Variants in MAPKAP1 observed in about 807,000 individuals in gnomAD.
MAPKAP1 encodes target of rapamycin complex 2 subunit MAPKAP1.
A neutral mutation model predicts 65.7 loss-of-function variants in MAPKAP1; 20 were observed. The ratio of observed to expected loss-of-function variants is 0.30; its 90% CI spans 0.21 to 0.44. MAPKAP1 has a LOEUF of 0.44. Ranked by LOEUF, MAPKAP1 falls within the 20% of genes least tolerant of loss-of-function variation. The pLI, the probability that MAPKAP1 is intolerant of heterozygous loss-of-function variation, is 1.00. For missense variants in MAPKAP1, 423 were observed against 648.0 expected (o/e 0.65, Z 3.77); for synonymous variants, 222 against 244.3 (o/e 0.91, Z 0.85).
chr9:125,577,534 T>C (rs1409745694), intron 5 of MAPKAP1, among the ~76,000 whole-genome samples: 18 of 125,242 alleles, frequency 1.4e-4, no homozygotes, highest in Admixed American at 4.8e-4. Context: ...CCCCTCTGCC[T>C]GGCCGGCCGC....
In MAPKAP1 at chr9:125,523,530, G is replaced by A. The variant is rs559851999; in HGVS notation, c.959-17113C>T. Among the ~76,000 whole-genome samples, 3 of 152,286 alleles carry A rather than the reference G, an allele frequency of 2.0e-5. No homozygotes were observed. The East Asian group carries it at 5.8e-4, about 29-fold the overall frequency. ...GTAAATGTGTGATAAGTGACTAACT[G>A]CATTAAATGGGTGGATGATAGTATC... On this transcript the variant is annotated intron_variant, in intron 7 of 11. Transcript: ENST00000265960.
intron 4 of MAPKAP1, among the ~76,000 whole-genome samples, chr9:125,610,536 A>G (rs916727903): frequency 6.6e-6 from 1 of 152,176 alleles, no homozygotes; most frequent in African/African-American, 2.4e-5. Context: ...GGAACAGTCT[A>G]TCTATAACCT....
chr9:125,539,635 C>CT (rs1439583282), intron 7 of MAPKAP1, among the ~76,000 whole-genome samples: 7 of 152,166 alleles, frequency 4.6e-5, no homozygotes, highest in Admixed American at 3.9e-4. Flanking sequence ...GAATTAAGGC[C>CT]TTTATTCACT....
chr9:125,621,047 A>G (rs916202910), intron 4 of MAPKAP1, among the ~76,000 whole-genome samples: 5 of 152,160 alleles, frequency 3.3e-5, no homozygotes, highest in Non-Finnish European at 5.9e-5. Flanking sequence ...TGAGGTGGGC[A>G]GACTGGTTGA....
chr9:125,613,795 C>T (rs1375188848), intron 4 of MAPKAP1, among the ~76,000 whole-genome samples: 1 of 151,524 alleles, frequency 6.6e-6, no homozygotes, highest in Non-Finnish European at 1.5e-5. Flanking sequence ...TGAAAAAGAG[C>T]AATTTCTTTT....
At chr9:125,491,357 C>T (rs554090858) in intron 8 of MAPKAP1, among the ~76,000 whole-genome samples, 1 of 151,878 alleles carries the variant, frequency 6.6e-6, no homozygotes, top group Admixed American at 6.6e-5. Context: ...GGGATGATCA[C>T]TTGAGCCCAG....
intron 4 of MAPKAP1, among the ~76,000 whole-genome samples, chr9:125,653,197 T>A (rs545838653): frequency 6.6e-6 from 1 of 152,208 alleles, no homozygotes; most frequent in Non-Finnish European, 1.5e-5. Flanking sequence ...TCTACCCTTA[T>A]AAATGCTTGG....
At position 125,605,447 on chromosome 9, in the gene MAPKAP1, A is replaced by G. The variant is rs1453339502; in HGVS notation, c.499-19720T>C. Among the ~76,000 whole-genome samples the G allele has an allele frequency of 3.3e-5, 5 of 152,302 alleles. No individual in the cohort carries two copies. In the East Asian group the frequency reaches 9.6e-4, roughly 29 times the overall value. ...GCAAACTAACAGGGATTTTTAAAAT[A>G]TGGGTTTTATGGCTTTGTGCTGGTG... On this transcript the variant is annotated intron_variant, in intron 4 of 11. Coordinates refer to ENST00000265960, the MANE Select transcript of MAPKAP1 (RefSeq NM_001006617.3).
At chr9:125,694,056 C>A (rs933502737) in intron 1 of MAPKAP1, among the ~76,000 whole-genome samples, 1 of 151,642 alleles carries the variant, frequency 6.6e-6, no homozygotes, top group African/African-American at 2.4e-5. Flanking sequence ...AGGTTGGGCA[C>A]GGTGGCTCAT....
In MAPKAP1 at chr9:125,477,259, G is replaced by A. The variant is rs117722802; in HGVS notation, c.1207+7184C>T. Among the ~76,000 whole-genome samples, 651 of 152,172 alleles carry A rather than the reference G, an allele frequency of 4.3e-3. 2 individuals are homozygous for A. Among genetic ancestry groups the A allele is most frequent in the Non-Finnish European group, 6.8e-3 (462 of 68,006 alleles). On this transcript the variant is annotated intron_variant, in intron 9 of 11. Coordinates refer to ENST00000265960, the MANE Select transcript of MAPKAP1 (RefSeq NM_001006617.3). ...TACGTGTTCAGTAACAGATCCCTTC[G>A]GTGACATGGGAACGGTCTACACTGA...
intron 8 of MAPKAP1, among the ~76,000 whole-genome samples, chr9:125,489,137 T>G (rs143188786): frequency 3.6e-3 from 551 of 152,226 alleles, no homozygotes; most frequent in Non-Finnish European, 6.4e-3. Flanking sequence ...CAACTCAAAG[T>G]GAAAAGCAGA....
At chr9:125,556,912 A>T (rs1433915082) in intron 6 of MAPKAP1, among the ~76,000 whole-genome samples, 1 of 152,254 alleles carries the variant, frequency 6.6e-6, no homozygotes, top group Non-Finnish European at 1.5e-5. Context: ...ACTGAGAAAA[A>T]GAAAATTTAT....
At chr9:125,626,703 A>G (rs1476094597) in intron 4 of MAPKAP1, among the ~76,000 whole-genome samples, 1 of 152,208 alleles carries the variant, frequency 6.6e-6, no homozygotes. Flanking sequence ...AAGCCTGATT[A>G]GGGCTGCACA....
At chr9:125,468,175 A>C in intron 9 of MAPKAP1, 66 bp from the exon 10 acceptor site, 1 of 1,537,022 alleles carries the variant, frequency 6.5e-7, no homozygotes, top group Non-Finnish European at 8.9e-7. Context: ...ATTTCAGGGA[A>C]ATCATTTGAC....
intron 9 of MAPKAP1, among the ~76,000 whole-genome samples, chr9:125,470,721 C>T (rs184096298): frequency 6.6e-6 from 1 of 152,250 alleles, no homozygotes; most frequent in African/African-American, 2.4e-5. Context: ...AAGACCGGGG[C>T]TTGGGGATGA....
At chr9:125,553,583 A>C (rs1179754123) in intron 6 of MAPKAP1, among the ~76,000 whole-genome samples, 1 of 152,070 alleles carries the variant, frequency 6.6e-6, no homozygotes, top group African/African-American at 2.4e-5. Context: ...GGAAAGAAAG[A>C]AAGAAACTTA....
chr9:125,607,024 T>A (rs1042027904), intron 4 of MAPKAP1, among the ~76,000 whole-genome samples: 1 of 152,198 alleles, frequency 6.6e-6, no homozygotes, highest in Non-Finnish European at 1.5e-5. Flanking sequence ...TTTCTAAGCC[T>A]CAGTTTCCCC....
At chr9:125,673,128 CAG>C (rs1198380980) in intron 1 of MAPKAP1, among the ~76,000 whole-genome samples, 1 of 152,206 alleles carries the variant, frequency 6.6e-6, no homozygotes, top group African/African-American at 2.4e-5. Context: ...ACAATGCTTT[CAG>C]AGTTACTAGG....
intron 4 of MAPKAP1, among the ~76,000 whole-genome samples, chr9:125,598,563 G>T (rs1024419764): frequency 3.9e-5 from 6 of 152,096 alleles, no homozygotes; most frequent in African/African-American, 1.4e-4. Context: ...AGAAACTAGG[G>T]AGGCAGTACA....
Sources: allele counts gnomAD v4.1 joint callset (sites outside exome capture counted in the v4.1 genomes callset), GRCh38; gene constraint gnomAD v4.1.1; transcripts MANE v1.5; gene names NCBI Gene and HGNC (gene_info 2026-07-23, HGNC 2026-07-21).